ECHDC3: variants seen among roughly 807,000 people sequenced by gnomAD.
The protein encoded by ECHDC3 is enoyl-CoA hydratase domain containing 3.
ECHDC3 carries 20 observed loss-of-function variants against 17.9 expected under a neutral mutation model. The observed-to-expected ratio is 1.12, with a 90% confidence interval of 0.79 to 1.63. The LOEUF is 1.63. Among genes scored for constraint, ECHDC3 ranks in the 40% most tolerant of loss-of-function variants. The probability of loss-of-function intolerance (pLI) is 0.00; values close to 1 mark genes in which losing one functional copy is unlikely to be tolerated. For missense variants in ECHDC3, 407 were observed against 357.7 expected (o/e 1.14, Z -1.11); for synonymous variants, 177 against 149.7 (o/e 1.18, Z -1.33).
At chr10:11,742,942 C>A in intron 1 of ECHDC3, 196 bp downstream of exon 1, 2 of 514,868 alleles carry the variant, frequency 3.9e-6, no homozygotes, top group Non-Finnish European at 5.9e-6. Context: ...CTGCCCGGGG[C>A]TCCAAAGCCC....
At chr10:11,745,567 A>G (rs573950804) in intron 1 of ECHDC3, among the ~76,000 whole-genome samples, 1 of 152,368 alleles carries the variant, frequency 6.6e-6, no homozygotes, top group African/African-American at 2.4e-5. Context: ...TTGAAATGGT[A>G]TTCCAAAGAA....
At chr10:11,747,868 G>A (rs2133787799) in intron 2 of ECHDC3, among the ~76,000 whole-genome samples, 1 of 152,312 alleles carries the variant, frequency 6.6e-6, no homozygotes, top group South Asian at 2.1e-4. Context: ...GATATCTGCA[G>A]TGCCTTTAAT....
intron 1 of ECHDC3, among the ~76,000 whole-genome samples, chr10:11,744,165 G>A (rs76018976): frequency 6.6e-6 from 1 of 152,286 alleles, no homozygotes; most frequent in East Asian, 1.9e-4. Flanking sequence ...CCTGCAAAGT[G>A]GATAATTTTA....
intron 4 of ECHDC3, among the ~76,000 whole-genome samples, chr10:11,756,251 C>A (rs138594159): frequency 6.6e-6 from 1 of 152,222 alleles, no homozygotes. Context: ...AGCTTTCTTC[C>A]TTCCTATAAC....
chr10:11,756,670 C>T (rs72781907), intron 4 of ECHDC3, among the ~76,000 whole-genome samples: 26,057 of 152,114 alleles, frequency 0.17, 2,803 homozygotes, highest in Non-Finnish European at 0.24. Flanking sequence ...CAGTAGGTGC[C>T]GGCTGGCTAA....
chr10:11,746,854 G>C (rs1215812648), intron 1 of ECHDC3, among the ~76,000 whole-genome samples: 1 of 152,168 alleles, frequency 6.6e-6, no homozygotes, highest in Non-Finnish European at 1.5e-5. Flanking sequence ...AGAATTGCTT[G>C]AACCGGGGAG....
At chr10:11,744,122 C>A (rs1832729375) in intron 1 of ECHDC3, among the ~76,000 whole-genome samples, 1 of 152,214 alleles carries the variant, frequency 6.6e-6, no homozygotes, top group Admixed American at 6.5e-5. Flanking sequence ...TGCTGGGCTC[C>A]CTGCATCCAT....
intron 1 of ECHDC3, among the ~76,000 whole-genome samples, chr10:11,744,985 G>T (rs1428717794): frequency 6.6e-6 from 1 of 152,194 alleles, no homozygotes; most frequent in Admixed American, 6.5e-5. Flanking sequence ...TGACATTCAG[G>T]GGTGAACAGA....
intron 1 of ECHDC3, 162 bp from the exon 2 acceptor site, chr10:11,747,187 T>A: frequency 1.2e-6 from 1 of 855,474 alleles, no homozygotes; most frequent in Middle Eastern, 3.8e-4. Context: ...TTGACTTGGC[T>A]GTAACTCCAG....
At chr10:11,744,622 G>A (rs1443841738) in intron 1 of ECHDC3, among the ~76,000 whole-genome samples, 2 of 152,098 alleles carry the variant, frequency 1.3e-5, no homozygotes, top group Non-Finnish European at 2.9e-5. Context: ...TGGAGCTCTC[G>A]GTGCAAGGCA....
In ECHDC3 at chr10:11,763,866, G is replaced by C. The variant is rs778503005; in HGVS notation, c.*322G>C. Reference sequence around the variant, plus strand: ...ACATAGCAAAAGGTGGCAACCCATGGAGGCAGAAAGAAGGACGCCAGCCTG... The same window carrying C: ...ACATAGCAAAAGGTGGCAACCCATGCAGGCAGAAAGAAGGACGCCAGCCTG... On this transcript the variant is annotated 3_prime_UTR_variant, in exon 5 of 5. Coordinates refer to ENST00000379215, the MANE Select transcript of ECHDC3 (RefSeq NM_024693.5). The surrounding 1 kb of genome is among the most constrained non-coding windows in gnomAD (Gnocchi z 4.9). 2.2e-5 allele frequency: 24 copies of C among 1,083,868 alleles called. No homozygotes were observed. The highest frequency in any genetic ancestry group is 2.7e-5 in the Non-Finnish European group (24 of 892,842). The allele number at this position is 1,083,868 out of a possible 1,614,324, so 67.1% of individuals were successfully genotyped here.
chr10:11,758,418 C>G (rs1266923350), intron 4 of ECHDC3, among the ~76,000 whole-genome samples: 1 of 152,190 alleles, frequency 6.6e-6, no homozygotes, highest in African/African-American at 2.4e-5. Context: ...CAGTCATTTT[C>G]TTGAGGCAGG....
intron 4 of ECHDC3, among the ~76,000 whole-genome samples, chr10:11,762,928 T>A (rs1426434849): frequency 6.6e-6 from 1 of 151,962 alleles, no homozygotes; most frequent in East Asian, 1.9e-4. Flanking sequence ...GCTGCCGTCC[T>A]GTGCTTGGCC....
intron 3 of ECHDC3, among the ~76,000 whole-genome samples, chr10:11,749,916 C>A (rs1588463182): frequency 6.6e-6 from 1 of 150,926 alleles, no homozygotes; most frequent in African/African-American, 2.4e-5. Context: ...CTGCCTCAGC[C>A]TCTTGAGTAG....
At position 11,763,730 on chromosome 10, in the gene ECHDC3, C is replaced by G. The variant is rs1366635179; in HGVS notation, c.*186C>G. ...GGGGAAAGGACAAAATGGAGAGTGA[C>G]TGAGGTGCTGACCTCAGTGCAAGGC... On this transcript the variant is annotated 3_prime_UTR_variant, in exon 5 of 5. Transcript: ENST00000379215. The surrounding 1 kb of genome is among the most constrained non-coding windows in gnomAD (Gnocchi z 4.9). 3.6e-6 allele frequency: 5 copies of G among 1,405,650 alleles called. No individual in the cohort carries two copies. In the East Asian group the frequency reaches 1.3e-4, roughly 37 times the overall value. The allele number at this position is 1,405,650 out of a possible 1,614,324, so 87.1% of individuals were successfully genotyped here.
At position 11,763,890 on chromosome 10, in the gene ECHDC3, T is replaced by G; in HGVS notation, c.*346T>G. The stretch of plus-strand genomic sequence containing the variant: ...GGAGGCAGAAAGAAGGACGCCAGCC[T>G]GACCCTTATCTGAAACGTCCTAAGC... On this transcript the variant is annotated 3_prime_UTR_variant, in exon 5 of 5. Transcript: ENST00000379215. The surrounding 1 kb of genome is among the most constrained non-coding windows in gnomAD (Gnocchi z 4.9). 2 of 1,056,582 alleles carry G rather than the reference T, an allele frequency of 1.9e-6. No homozygotes were observed. The highest frequency in any genetic ancestry group is 2.3e-6 in the Non-Finnish European group (2 of 875,424). The allele number at this position is 1,056,582 out of a possible 1,614,324, so 65.5% of individuals were successfully genotyped here. A position where few individuals can be genotyped will look rare whatever the true frequency, so the allele number is the denominator to read the frequency against.
Position 11,742,613 on chromosome 10 carries a change from A to G in ECHDC3, c.37A>G (p.Ser13Gly). 7.7e-7 allele frequency: 1 copy of G among 1,300,040 alleles called. No individual in the cohort carries two copies. Among genetic ancestry groups the G allele is most frequent in the Non-Finnish European group, 9.8e-7 (1 of 1,025,016 alleles). The allele number at this position is 1,300,040 out of a possible 1,614,324, so 80.5% of individuals were successfully genotyped here. The stretch of plus-strand genomic sequence containing the variant: ...CGCCGTCTTGCGGGCCTTCGGGGCA[A>G]GTGGGCCCATGTGTCTCCGGCGCGG... Reference protein sequence around the residue: ...AVAVLRAFGASGPMCLRRGPW... With the variant: ...AVAVLRAFGAGGPMCLRRGPW... The change falls in exon 1 of 5, where the codon AGT becomes GGT. Residue 13 changes from serine to glycine, a missense_variant. Physicochemically the swap from Ser to Gly is moderately conservative, Grantham distance 56. Coordinates refer to ENST00000379215, the MANE Select transcript of ECHDC3 (RefSeq NM_024693.5).
At chr10:11,747,498 T>C (rs1401242288) in intron 2 of ECHDC3, 28 bp downstream of exon 2, 9 of 1,611,822 alleles carry the variant, frequency 5.6e-6, no homozygotes, top group Non-Finnish European at 7.6e-6. Context: ...GTCCTTAGTA[T>C]TCTGCAGTGC....
At chr10:11,756,401 A>G (rs1832887087) in intron 4 of ECHDC3, among the ~76,000 whole-genome samples, 2 of 152,264 alleles carry the variant, frequency 1.3e-5, no homozygotes, top group Admixed American at 6.5e-5. Flanking sequence ...CAAAGAAGCT[A>G]AATTGCTTTC....
Sources: gnomAD v4.1 joint callset for allele counts (sites outside exome capture counted in the v4.1 genomes callset) on GRCh38, gnomAD v4.1.1 for gene constraint, Gnocchi (gnomAD v3.1) non-coding constraint, MANE v1.5 for transcripts, NCBI Gene and HGNC (gene_info 2026-07-23, HGNC 2026-07-21) for gene names.